Variants in ITGA3 observed in about 807,000 individuals in gnomAD.
The protein encoded by ITGA3 is integrin subunit alpha 3.
ITGA3 carries 70 observed loss-of-function variants against 131.1 expected under a neutral mutation model. The ratio of observed to expected loss-of-function variants is 0.53; its 90% CI spans 0.44 to 0.65. The LOEUF (loss-of-function observed/expected upper bound fraction) is 0.65, where lower values mean the gene tolerates loss of function less well. ITGA3 is among the 30% of genes least tolerant of loss of function. The pLI is 0.00. For synonymous variants in ITGA3, 537 were observed against 571.6 expected (o/e 0.94, Z 0.86); for missense variants, 1,098 against 1,388.6 (o/e 0.79, Z 3.33).
rs753243623 is a variant in ITGA3, at chr17:50,071,332, G to C, written c.773G>C (p.Ser258Thr). ...CCAGGGTACACGATGCAGGTAGGCA[G>C]CTTCATCCTGCACCCCAAAAACATC... ...LYIGYTMQVG[S>T]FILHPKNITI... The change falls in exon 6 of 26, where the codon AGC becomes ACC. Residue 258 changes from serine (S) to threonine (T), a missense_variant. Ser to Thr is a moderately conservative substitution (Grantham distance 58). Coordinates refer to ENST00000320031, the MANE Select transcript of ITGA3 (RefSeq NM_002204.4). 6.2e-7 allele frequency: 1 copy of C among 1,614,060 alleles called. No individual in the cohort carries two copies. Among genetic ancestry groups the C allele is most frequent in the East Asian group, 2.2e-5 (1 of 44,882 alleles).
chr17:50,085,502 A>G (rs1348834019), intron 23 of ITGA3, among the ~76,000 whole-genome samples: 3 of 151,722 alleles, frequency 2.0e-5, no homozygotes, highest in Non-Finnish European at 4.4e-5. Flanking sequence ...CGTCTCTAGT[A>G]AAAATACAAA....
Position 50,074,485 on chromosome 17 carries a change from G to A in ITGA3, c.1420G>A (p.Val474Met), listed in dbSNP as rs61730081. 2.1e-3 allele frequency: 3,410 copies of A among 1,614,110 alleles called. 23 individuals are homozygous for A. The highest frequency in any genetic ancestry group is 0.015 in the Middle Eastern group (91 of 6,062). ...CATCAACATCGTCCACAAGACCTTGGTGCCCAGGCCAGCTGTGCTGGACCC... is the reference window on the plus strand; with the variant it reads ...CATCAACATCGTCCACAAGACCTTGATGCCCAGGCCAGCTGTGCTGGACCC... ...PVINIVHKTL[V>M]PRPAVLDPAL... is the part of the protein sequence containing the mutation. Residue 474 changes from valine to methionine, a missense_variant, in exon 10 of 26, where the codon GTG becomes ATG. Val to Met is a conservative substitution (Grantham distance 21). Coordinates refer to ENST00000320031, the MANE Select transcript of ITGA3 (RefSeq NM_002204.4).
chr17:50,061,257 G>C (rs913509825), intron 1 of ITGA3, among the ~76,000 whole-genome samples: 1 of 152,182 alleles, frequency 6.6e-6, no homozygotes, highest in Non-Finnish European at 1.5e-5. Context: ...CAGGCAACAG[G>C]CAGGAGGGTA....
rs752375366 is a variant in ITGA3, at chr17:50,064,522, C to T, written c.335-6C>T. On this transcript the variant is annotated splice_region_variant and splice_polypyrimidine_tract_variant and intron_variant, in intron 2 of 25. Coordinates refer to ENST00000320031, the MANE Select transcript of ITGA3 (RefSeq NM_002204.4). The surrounding 1 kb of genome is among the most constrained non-coding windows in gnomAD (Gnocchi z 4.4). ...CTCTGATTCATGATCCTTCCGGTGC[C>T]CACAGATGACCCTGGCCATCACATT... is the stretch of plus-strand genomic sequence containing the variant. 3.1e-6 allele frequency: 5 copies of T among 1,610,264 alleles called. No individual in the cohort carries two copies. The East Asian group carries it at 6.7e-5, about 22-fold the overall frequency.
chr17:50,083,723 CAAA>C (rs34118743), intron 23 of ITGA3, among the ~76,000 whole-genome samples: 8 of 124,898 alleles, frequency 6.4e-5, no homozygotes, highest in Admixed American at 8.4e-5. Context: ...CATCTTGCCT[CAAA>C]AAAAAAAAAA....
rs1186241368 is a variant in ITGA3, at chr17:50,074,198, C to T, written c.1300C>T (p.Leu434Phe). Residue 434 changes from leucine to phenylalanine, a missense_variant, in exon 9 of 26, where the codon CTC becomes TTC. Physicochemically the swap from Leu to Phe is conservative, Grantham distance 22. Transcript: ENST00000320031. The stretch of plus-strand genomic sequence containing the variant: ...TGGGTTGGCCACCTTCGGCTATTCC[C>T]TCAGTGGGCAGATGGATGTGGATGA... ...LPGLATFGYS[L>F]SGQMDVDENF... 6.2e-7 allele frequency: 1 copy of T among 1,614,220 alleles called. No homozygotes were observed. The highest frequency in any genetic ancestry group is 2.2e-5 in the East Asian group (1 of 44,882).
chr17:50,079,181 A>G lies in ITGA3; in HGVS notation c.2506A>G (p.Ile836Val). 2 of 1,613,908 alleles carry G rather than the reference A, an allele frequency of 1.2e-6. No individual in the cohort carries two copies. Among genetic ancestry groups the G allele is most frequent in the South Asian group, 1.1e-5 (1 of 91,062 alleles). The change falls in exon 20 of 26, where the codon ATC (isoleucine) becomes GTC (valine). Residue 836 changes from isoleucine to valine, a missense_variant. Coordinates refer to ENST00000320031, the MANE Select transcript of ITGA3 (RefSeq NM_002204.4). ...NGKWLLYPTE[I>V]TVHGNGSWPC... ...CAAGTGGCTGCTGTATCCCACGGAG[A>G]TCACCGTCCATGGCAATGGGTCCTG...
chr17:50,082,532 G>A (rs1049719266), intron 23 of ITGA3, among the ~76,000 whole-genome samples: 17 of 151,936 alleles, frequency 1.1e-4, no homozygotes, highest in Admixed American at 9.2e-4. Context: ...GCCTGGTCTT[G>A]AACTCCTGGT....
At chr17:50,086,726 C>G (rs1457223204) in intron 23 of ITGA3, 1 of 147,794 alleles carries the variant, frequency 6.8e-6, no homozygotes, top group Non-Finnish European at 1.5e-5. Flanking sequence ...ACACACACAT[C>G]CGTATTTATC....
rs1555556284 is a variant in ITGA3, at chr17:50,080,505, T to TGA, written c.2820+131_2820+132dup. On this transcript the variant is annotated intron_variant, in intron 22 of 25. Coordinates refer to ENST00000320031, the MANE Select transcript of ITGA3 (RefSeq NM_002204.4). ...GTGTGTGTGTGTGTGTGTGTGTGTG[T>TGA]GATTTGCGTGTCTTTGCATGGATGT... is the stretch of plus-strand genomic sequence containing the variant. 0.02 allele frequency: 10,297 copies of TGA among 523,578 alleles called. 64 individuals carry two copies. The highest frequency in any genetic ancestry group is 0.046 in the East Asian group (1,400 of 30,374). 32.4% of individuals were successfully genotyped at this position (523,578 alleles called of 1,614,324 possible). A position where few individuals can be genotyped will look rare whatever the true frequency, so the allele number is the denominator to read the frequency against.
intron 7 of ITGA3, among the ~76,000 whole-genome samples, chr17:50,072,867 CT>C (rs948223208): frequency 3.3e-5 from 5 of 152,000 alleles, no homozygotes; most frequent in Non-Finnish European, 7.4e-5. Flanking sequence ...CCAATCGGAC[CT>C]GGGGTATCAG....
chr17:50,064,614 G>A lies in ITGA3; in HGVS notation c.414+7G>A. 7 of 1,609,968 alleles carry A rather than the reference G, an allele frequency of 4.3e-6. No homozygotes were observed. Among genetic ancestry groups the A allele is most frequent in the Non-Finnish European group, 5.9e-6 (7 of 1,178,540 alleles). On this transcript the variant is annotated splice_region_variant and intron_variant, in intron 3 of 25. Coordinates refer to ENST00000320031, the MANE Select transcript of ITGA3 (RefSeq NM_002204.4). This position sits in a 1 kb window ranked among gnomAD's most constrained non-coding sequence, Gnocchi z 4.4. ...CCCTGCAGGCAGAGTTCTGGTAAGT[G>A]GGTGCTCAGTGTTGGCTCCTCCACC...
At chr17:50,077,527 G>A (rs1028577530) in intron 16 of ITGA3, 80 bp downstream of exon 16, 3 of 1,121,962 alleles carry the variant, frequency 2.7e-6, no homozygotes, top group Admixed American at 3.6e-5. Flanking sequence ...TCCAGCCTCT[G>A]CCTGCCTGCT....
Position 50,076,607 on chromosome 17 carries a change from GC to G in ITGA3, c.1850del (p.Pro617LeufsTer23). 6.2e-7 allele frequency: 1 copy of G among 1,613,570 alleles called. No individual in the cohort carries two copies. Among genetic ancestry groups the G allele is most frequent in the Non-Finnish European group, 8.5e-7 (1 of 1,179,946 alleles). On this transcript the variant is annotated frameshift_variant, in exon 14 of 26. Transcript: ENST00000320031. LOFTEE classifies it high-confidence loss of function. The stretch of plus-strand genomic sequence containing the variant: ...AGGTCCAGTTCCAGAAGGAGTGCGG[GC>G]CTGACAACAAGTGTGAGAGCAACTT... Reference protein sequence around the residue: ...TEVQFQKECGPDNKCESNLQM... With the variant: ...TEVQFQKECGXDNKCESNLQM...
Position 50,089,179 on chromosome 17 carries a change from G to A in ITGA3, c.*101G>A, listed in dbSNP as rs1297689272. ...GTACCACGCAGTGCGGATCCGGGAG[G>A]AGGAGCGCTACCCACCTCCAGGGAG... On this transcript the variant is annotated 3_prime_UTR_variant, in exon 26 of 26. Transcript: ENST00000320031. 8 of 1,613,454 alleles carry A rather than the reference G, an allele frequency of 5.0e-6. No homozygotes were observed. The highest frequency in any genetic ancestry group is 6.8e-6 in the Non-Finnish European group (8 of 1,179,712).
chr17:50,088,253 G>A lies in ITGA3; in HGVS notation c.3074G>A (p.Arg1025His), dbSNP rs752981009. 2.4e-5 allele frequency: 38 copies of A among 1,578,194 alleles called. No homozygotes were observed. The highest frequency in any genetic ancestry group is 8.1e-5 in the South Asian group (7 of 86,298). The part of the protein sequence containing the change: ...KCGFFKRART[R>H]ALYEAKRQKA... ...GGCTTCTTCAAGCGAGCCCGCACTCGCGCCCTGTATGAAGCTAAGAGGCAG... is the reference window on the plus strand; with the variant it reads ...GGCTTCTTCAAGCGAGCCCGCACTCACGCCCTGTATGAAGCTAAGAGGCAG... The change falls in exon 25 of 26, where the codon CGC becomes CAC. Residue 1025 changes from arginine (R) to histidine (H), a missense_variant. By Grantham distance (29) the Arg-to-His change is conservative. Around this residue, in one of 3 missense-constraint regions of ITGA3, gnomAD observed 699 missense variants for 829.2 expected, o/e 0.84. Coordinates refer to ENST00000320031, the MANE Select transcript of ITGA3 (RefSeq NM_002204.4).
chr17:50,061,128 G>A (rs891652333), intron 1 of ITGA3, among the ~76,000 whole-genome samples: 1 of 151,972 alleles, frequency 6.6e-6, no homozygotes, highest in Non-Finnish European at 1.5e-5. Context: ...AAAATACTCT[G>A]GGGGGGTGAA....
rs1156403573 is a variant in ITGA3 at position 50,088,260 on chromosome 17, G to T, written c.3081G>T (p.Leu1027=). Residue 1027 remains leucine, a synonymous_variant, in exon 25 of 26, where the codon CTG becomes CTT. Transcript: ENST00000320031. ...TCAAGCGAGCCCGCACTCGCGCCCT[G>T]TATGAAGCTAAGAGGCAGAAGGCGG... ...GFFKRARTRA[L]YEAKRQKAEM... 1 of 1,584,230 alleles carries T rather than the reference G, an allele frequency of 6.3e-7. No homozygotes were observed. Among genetic ancestry groups the T allele is most frequent in the Non-Finnish European group, 8.6e-7 (1 of 1,165,374 alleles).
In ITGA3 at chr17:50,074,293, G is replaced by C. The variant is rs768657346; in HGVS notation, c.1382+13G>C. The C allele has an allele frequency of 2.5e-6, 4 of 1,613,486 alleles. No homozygotes were observed. The African/African-American group carries it at 5.3e-5, about 22-fold the overall frequency. ...TTGTGCTGCTGCGGTGAGCCAGGAG[G>C]CCAGTGAATAAGGGTCTTTCTCTTC... On this transcript the variant is annotated intron_variant, in intron 9 of 25. Transcript: ENST00000320031.
Sources: allele counts gnomAD v4.1 joint callset (sites outside exome capture counted in the v4.1 genomes callset), GRCh38; gene constraint gnomAD v4.1.1; regional missense constraint gnomAD v4.1.1; non-coding constraint Gnocchi (gnomAD v3.1); transcripts MANE v1.5; gene names NCBI Gene and HGNC (gene_info 2026-07-23, HGNC 2026-07-21).